GXYLT2: variants seen among roughly 807,000 people sequenced by gnomAD.
GXYLT2 encodes glucoside xylosyltransferase 2.
In GXYLT2, 53 loss-of-function variants were observed where a neutral mutation model predicts 45.8. The ratio of observed to expected loss-of-function variants is 1.16; its 90% CI spans 0.93 to 1.46. GXYLT2 has a LOEUF of 1.46. Among genes scored for constraint, GXYLT2 ranks in the 40% most tolerant of loss-of-function variants. GXYLT2 has a pLI of 0.00. For missense variants in GXYLT2, 551 were observed against 544.4 expected (o/e 1.01, Z -0.12); for synonymous variants, 219 against 214.2 (o/e 1.02, Z -0.19).
intron 3 of GXYLT2, among the ~76,000 whole-genome samples, chr3:72,925,017 C>CTGG (rs1435261582): frequency 6.6e-6 from 1 of 152,140 alleles, no homozygotes; most frequent in Admixed American, 6.6e-5. Context: ...ATCTATCGGT[C>CTGG]TGGAAACACT....
At position 72,964,322 on chromosome 3, in the gene GXYLT2, T is replaced by C. The variant is rs182473147; in HGVS notation, c.977-3225T>C. Among the ~76,000 whole-genome samples, 102 of 152,096 alleles carry C rather than the reference T, an allele frequency of 6.7e-4. 2 individuals carry two copies. The highest frequency in any genetic ancestry group is 2.3e-3 in the African/African-American group (97 of 41,490). ...AAGAGAGAAAAGGTTTCTCTCTTTT[T>C]TTTTCTTTTCTTTTTTTTGAGACAG... is the stretch of plus-strand genomic sequence containing the variant. On this transcript the variant is annotated intron_variant, in intron 5 of 6. Transcript: ENST00000389617.
chr3:72,930,571 CTTTTTCTTT>C (rs1710008951), intron 3 of GXYLT2, among the ~76,000 whole-genome samples: 1 of 138,460 alleles, frequency 7.2e-6, no homozygotes, highest in Admixed American at 7.5e-5. Context: ...CCCCTCTTTT[CTTTTTCTTT>C]TTCTTCTTCT....
At chr3:72,894,965 C>T (rs1467265880) in intron 1 of GXYLT2, among the ~76,000 whole-genome samples, 5 of 152,164 alleles carry the variant, frequency 3.3e-5, no homozygotes, top group Non-Finnish European at 7.4e-5. Context: ...CCCAGTAAAA[C>T]GCCAGGTCTC....
chr3:72,916,468 A>G (rs546296175), intron 2 of GXYLT2, among the ~76,000 whole-genome samples: 50 of 151,512 alleles, frequency 3.3e-4, no homozygotes, highest in African/African-American at 1.2e-3. Context: ...GTTTATAGGT[A>G]TGAGTCACCA....
At chr3:72,973,745 G>A (rs1711040889) in intron 6 of GXYLT2, among the ~76,000 whole-genome samples, 1 of 152,132 alleles carries the variant, frequency 6.6e-6, no homozygotes, top group Non-Finnish European at 1.5e-5. Context: ...AATTGAGGGT[G>A]ATTCCAAGGT....
At chr3:72,933,794 G>A (rs1004797675) in intron 3 of GXYLT2, among the ~76,000 whole-genome samples, 2 of 152,016 alleles carry the variant, frequency 1.3e-5, no homozygotes, top group Non-Finnish European at 2.9e-5. Flanking sequence ...CCAGCAGCCT[G>A]GGGGGGCCGA....
intron 3 of GXYLT2, among the ~76,000 whole-genome samples, chr3:72,932,071 T>A (rs544911468): frequency 7.5e-6 from 1 of 133,976 alleles, no homozygotes; most frequent in South Asian, 2.2e-4. Context: ...GTCTTTTAAC[T>A]TTTTTTTTTT....
intron 1 of GXYLT2, among the ~76,000 whole-genome samples, chr3:72,894,902 C>T (rs1709257565): frequency 6.6e-6 from 1 of 152,202 alleles, no homozygotes; most frequent in Non-Finnish European, 1.5e-5. Flanking sequence ...GTATGTAAGG[C>T]GGTCCTCCTG....
intron 2 of GXYLT2, among the ~76,000 whole-genome samples, chr3:72,911,177 G>A (rs994941186): frequency 1.3e-5 from 2 of 152,156 alleles, no homozygotes; most frequent in Non-Finnish European, 2.9e-5. Context: ...CATAGTCCCA[G>A]CTACTCAGGA....
chr3:72,972,814 A>G (rs1335181124), intron 6 of GXYLT2, among the ~76,000 whole-genome samples: 4 of 145,508 alleles, frequency 2.7e-5, no homozygotes, highest in Admixed American at 2.1e-4. Flanking sequence ...AGTCCCAGCT[A>G]CTGGGTGGGG....
intron 3 of GXYLT2, among the ~76,000 whole-genome samples, chr3:72,939,384 G>A (rs899945237): frequency 9.9e-5 from 15 of 151,408 alleles, no homozygotes; most frequent in African/African-American, 3.2e-4. Flanking sequence ...GCAGTGAGCC[G>A]AGATCACACC....
intron 2 of GXYLT2, among the ~76,000 whole-genome samples, chr3:72,911,535 C>G (rs1039305797): frequency 6.6e-6 from 1 of 152,134 alleles, no homozygotes; most frequent in Non-Finnish European, 1.5e-5. Flanking sequence ...ATCAGTGGGT[C>G]TGGGGGAAGC....
chr3:72,938,958 G>A (rs1710243041), intron 3 of GXYLT2, among the ~76,000 whole-genome samples: 1 of 152,192 alleles, frequency 6.6e-6, no homozygotes. Context: ...ATTGATTGGT[G>A]CATGCCTGAA....
chr3:72,940,848 A>AT (rs766510378), intron 3 of GXYLT2, among the ~76,000 whole-genome samples: 2 of 151,962 alleles, frequency 1.3e-5, no homozygotes, highest in East Asian at 3.9e-4. Context: ...CACCTGACTA[A>AT]TTTTTTAATT....
rs749447249 is a variant in GXYLT2 at position 72,975,031 on chromosome 3, T to C, written c.1204T>C (p.Phe402Leu). Residue 402 changes from phenylalanine (F) to leucine (L), a missense_variant, in exon 7 of 7, where the codon TTT (phenylalanine) becomes CTT (leucine). Physicochemically the swap from Phe to Leu is conservative, Grantham distance 22 (BLOSUM62 0). Coordinates refer to ENST00000389617, the MANE Select transcript of GXYLT2 (RefSeq NM_001080393.2). Reference sequence around the variant, plus strand: ...CATGTATTACCCCCTTCAGCTGAAGTTTTTGGAGACTGTGCACACTTTATG... The same window carrying C: ...CATGTATTACCCCCTTCAGCTGAAGCTTTTGGAGACTGTGCACACTTTATG... The part of the protein sequence containing the change: ...QSMYYPLQLK[F>L]LETVHTLCGR... 6.2e-6 allele frequency: 10 copies of C among 1,610,484 alleles called. No individual in the cohort carries two copies. The highest frequency in any genetic ancestry group is 5.0e-5 in the Admixed American group (3 of 59,628).
intron 3 of GXYLT2, among the ~76,000 whole-genome samples, chr3:72,924,347 C>G (rs1021533240): frequency 1.3e-5 from 2 of 152,054 alleles, no homozygotes; most frequent in Non-Finnish European, 2.9e-5. Context: ...GTGTGAGCCA[C>G]CATGCTTAGC....
At chr3:72,889,421 A>G (rs958124856) in intron 1 of GXYLT2, among the ~76,000 whole-genome samples, 1 of 152,198 alleles carries the variant, frequency 6.6e-6, no homozygotes, top group Non-Finnish European at 1.5e-5. Context: ...ATTTTTGACC[A>G]TAATGACTAA....
At chr3:72,889,907 G>GTTTTTTTTTTTTTTTT (rs5850087) in intron 1 of GXYLT2, among the ~76,000 whole-genome samples, 2 of 118,786 alleles carry the variant, frequency 1.7e-5, no homozygotes, top group African/African-American at 3.3e-5. Context: ...TTTTTTTTTT[G>GTTTTTTTTTTTTTTTT]TTTTTTTTTT....
intron 1 of GXYLT2, among the ~76,000 whole-genome samples, chr3:72,893,542 A>G (rs1189521187): frequency 6.6e-6 from 1 of 152,112 alleles, no homozygotes; most frequent in Non-Finnish European, 1.5e-5. Flanking sequence ...CTGCCCCCTC[A>G]TGTACACTTA....
Sources: allele counts gnomAD v4.1 joint callset (sites outside exome capture counted in the v4.1 genomes callset), GRCh38; gene constraint gnomAD v4.1.1; transcripts MANE v1.5; gene names NCBI Gene and HGNC (gene_info 2026-07-23, HGNC 2026-07-21).